Variants in PLD3 observed in about 807,000 individuals in gnomAD.
The protein encoded by PLD3 is 5'-3' exonuclease PLD3.
A neutral mutation model predicts 58.4 loss-of-function variants in PLD3; 31 were observed. That is an observed-to-expected ratio of 0.53 (90% CI 0.40 to 0.72). PLD3 has a LOEUF of 0.72. Ranked by LOEUF, PLD3 falls within the 30% of genes least tolerant of loss-of-function variation. The pLI is 0.00. For synonymous variants in PLD3, 264 were observed against 273.4 expected, an observed-to-expected ratio of 0.97 and a Z score of 0.34; for missense variants, 595 against 659.8, an observed-to-expected ratio of 0.90 and a Z score of 1.08.
At chr19:40,361,489 T>G (rs1411841631) in intron 1 of PLD3, among the ~76,000 whole-genome samples, 1 of 152,154 alleles carries the variant, frequency 6.6e-6, no homozygotes, top group African/African-American at 2.4e-5. Flanking sequence ...GACCCTGTTC[T>G]ACTCATCACA....
intron 8 of PLD3, 156 bp downstream of exon 8, chr19:40,370,393 C>A: frequency 1.3e-6 from 1 of 776,782 alleles, no homozygotes; most frequent in Non-Finnish European, 2.0e-6. Context: ...CTAATCCAAG[C>A]CATGCACGGT....
chr19:40,361,162 G>A (rs2078772437), intron 1 of PLD3, among the ~76,000 whole-genome samples: 1 of 152,088 alleles, frequency 6.6e-6, no homozygotes, highest in Non-Finnish European at 1.5e-5. Context: ...TCAGGCTGGA[G>A]TGCAATGGCG....
chr19:40,378,315 A>C lies in PLD3; in HGVS notation c.*142A>C. The C allele has an allele frequency of 1.3e-6, 1 of 790,742 alleles. No individual in the cohort carries two copies. Among genetic ancestry groups the C allele is most frequent in the Non-Finnish European group, 2.2e-6 (1 of 460,402 alleles). The allele number at this position is 790,742 out of a possible 1,614,324, so 49.0% of individuals were successfully genotyped here. A position where few individuals can be genotyped will look rare whatever the true frequency, so the allele number is the denominator to read the frequency against. On this transcript the variant is annotated 3_prime_UTR_variant, in exon 13 of 13. Transcript: ENST00000409735. ...CTCTCTCCCCTGCTCTCCCACCTCTACCTCCACCCCCACCGGCCTGACGCT... is the reference window on the plus strand; with the variant it reads ...CTCTCTCCCCTGCTCTCCCACCTCTCCCTCCACCCCCACCGGCCTGACGCT...
intron 1 of PLD3, among the ~76,000 whole-genome samples, chr19:40,349,044 A>G (rs1050584500): frequency 2.0e-5 from 3 of 151,462 alleles, no homozygotes; most frequent in African/African-American, 7.3e-5. Flanking sequence ...GTTGTCATCA[A>G]CGCCCTTAAC....
Position 40,378,380 on chromosome 19 carries a change from C to T in PLD3, c.*207C>T, listed in dbSNP as rs771478607. The T allele has an allele frequency of 1.2e-5, 8 of 669,710 alleles. 1 individual carries two copies. Among genetic ancestry groups the T allele is most frequent in the Non-Finnish European group, 1.3e-5 (5 of 373,900 alleles). 41.5% of individuals were successfully genotyped at this position (669,710 alleles called of 1,614,324 possible). A position where few individuals can be genotyped will look rare whatever the true frequency, so the allele number is the denominator to read the frequency against. ...CAGCAGAGCTGGGGGAGGGATCAGC[C>T]CCCAAAGAAATGGGGGTGCATGCTG... On this transcript the variant is annotated 3_prime_UTR_variant, in exon 13 of 13. Transcript: ENST00000409735.
At chr19:40,355,817 A>T (rs4490097) in intron 1 of PLD3, 1 of 151,750 alleles carries the variant, frequency 6.6e-6, no homozygotes, top group Non-Finnish European at 1.5e-5. Flanking sequence ...TAGGTCTCCC[A>T]GTCAAATAGG....
intron 1 of PLD3, among the ~76,000 whole-genome samples, chr19:40,354,851 G>C (rs1036555595): frequency 1.3e-5 from 2 of 149,206 alleles, no homozygotes; most frequent in African/African-American, 4.9e-5. Flanking sequence ...TTGTGTTGTT[G>C]TTTTGAGACT....
chr19:40,376,863 G>C lies in PLD3; in HGVS notation c.1185+89G>C, dbSNP rs2079218453. Reference sequence around the variant, plus strand: ...ATGGGACTCGTCTGTCAATGACAAGGGCAGCCCAGAGTGAGCCCTGTCACT... The same window carrying C: ...ATGGGACTCGTCTGTCAATGACAAGCGCAGCCCAGAGTGAGCCCTGTCACT... On this transcript the variant is annotated intron_variant, in intron 11 of 12. Coordinates refer to ENST00000409735, the MANE Select transcript of PLD3 (RefSeq NM_012268.4). The C allele has an allele frequency of 7.8e-6, 10 of 1,286,546 alleles. 1 individual carries two copies. The South Asian group carries it at 1.4e-4, about 18-fold the overall frequency. The allele number at this position is 1,286,546 out of a possible 1,614,324, so 79.7% of individuals were successfully genotyped here.
At position 40,370,204 on chromosome 19, in the gene PLD3, C is replaced by A. The variant is rs1237100326; in HGVS notation, c.645C>A (p.Gly215=). The A allele has an allele frequency of 6.2e-7, 1 of 1,614,044 alleles. No individual in the cohort carries two copies. The highest frequency in any genetic ancestry group is 1.7e-5 in the Admixed American group (1 of 60,014). ...TGGACCAGACCCACTTCTACCTGGGCAGTGCCAACATGGACTGGCGTTCAC... is the reference window on the plus strand; with the variant it reads ...TGGACCAGACCCACTTCTACCTGGGAAGTGCCAACATGGACTGGCGTTCAC... The part of the protein sequence containing the change: ...WVVDQTHFYL[G]SANMDWRSLT... The change falls in exon 8 of 13, where the codon GGC becomes GGA. Residue 215 remains glycine (G), a synonymous_variant. Transcript: ENST00000409735.
In PLD3 at chr19:40,367,874, C is replaced by A; in HGVS notation, c.424C>A (p.Gln142Lys). Reference sequence around the variant, plus strand: ...CACCCACACGCAGGAGCCCTCTGCCCAGCAGGTACCTGCAACCTTGGCCCT... The same window carrying A: ...CACCCACACGCAGGAGCCCTCTGCCAAGCAGGTACCTGCAACCTTGGCCCT... ...NDTHTQEPSA[Q>K]QGEEVLRQLQ... is the part of the protein sequence containing the mutation. Residue 142 changes from glutamine to lysine, a missense_variant, in exon 6 of 13, where the codon CAG becomes AAG. Gln to Lys is a moderately conservative substitution (Grantham distance 53). Coordinates refer to ENST00000409735, the MANE Select transcript of PLD3 (RefSeq NM_012268.4). The A allele has an allele frequency of 6.5e-7, 1 of 1,540,168 alleles. No homozygotes were observed. Among genetic ancestry groups the A allele is most frequent in the Non-Finnish European group, 8.7e-7 (1 of 1,144,222 alleles).
Position 40,378,226 on chromosome 19 carries a change from G to T in PLD3, c.*53G>T. 1 of 1,524,900 alleles carries T rather than the reference G, an allele frequency of 6.6e-7. No homozygotes were observed. The allele number at this position is 1,524,900 out of a possible 1,614,324, so 94.5% of individuals were successfully genotyped here. On this transcript the variant is annotated 3_prime_UTR_variant, in exon 13 of 13. Transcript: ENST00000409735. ...CTGCTGGGCCCCCGCGGACCCAGGT[G>T]CTCTGGGTCACGGTCCCTGTCCCCG...
chr19:40,370,302 C>G lies in PLD3; in HGVS notation c.678+65C>G, dbSNP rs1004787512. The G allele has an allele frequency of 3.9e-6, 6 of 1,526,816 alleles. No homozygotes were observed. The East Asian group carries it at 1.1e-4, about 29-fold the overall frequency. 94.6% of individuals were successfully genotyped at this position (1,526,816 alleles called of 1,614,324 possible). A position where few individuals can be genotyped will look rare whatever the true frequency, so the allele number is the denominator to read the frequency against. On this transcript the variant is annotated intron_variant, in intron 8 of 12. Transcript: ENST00000409735. ...CCTGCCCCACAGGGCACCCAGCCTC[C>G]GACTGCATCCCTCACTCAATCCAGA...
At position 40,371,944 on chromosome 19, in the gene PLD3, T is replaced by C. The variant is rs546477231; in HGVS notation, c.879+71T>C. 3 of 1,262,362 alleles carry C rather than the reference T, an allele frequency of 2.4e-6. No homozygotes were observed. In the African/African-American group the frequency reaches 4.4e-5, roughly 19 times the overall value. 78.2% of individuals were successfully genotyped at this position (1,262,362 alleles called of 1,614,324 possible). A position where few individuals can be genotyped will look rare whatever the true frequency, so the allele number is the denominator to read the frequency against. ...GTCACTCACAGCCTCCATCTGTCCC[T>C]GTTTGGTGATGACAGGGAGGGCGTA... On this transcript the variant is annotated intron_variant, in intron 9 of 12. Transcript: ENST00000409735.
chr19:40,367,058 C>A, intron 5 of PLD3, 143 bp downstream of exon 5: 2 of 801,124 alleles, frequency 2.5e-6, no homozygotes, highest in Non-Finnish European at 1.9e-6. Context: ...TGCTCGCCCG[C>A]CCCCTCCTCC....
At chr19:40,350,961 G>T (rs2078497836) in intron 1 of PLD3, among the ~76,000 whole-genome samples, 1 of 152,052 alleles carries the variant, frequency 6.6e-6, no homozygotes, top group Non-Finnish European at 1.5e-5. Flanking sequence ...AGTAGGGCTG[G>T]GCACGGTGGC....
intron 1 of PLD3, among the ~76,000 whole-genome samples, chr19:40,360,922 G>T (rs574979158): frequency 6.6e-6 from 1 of 152,146 alleles, no homozygotes; most frequent in Admixed American, 6.6e-5. Flanking sequence ...TCACATGCAC[G>T]TAAGTTCCGG....
In PLD3 at chr19:40,377,727, G is replaced by A. The variant is rs1462786066; in HGVS notation, c.1186-59G>A. On this transcript the variant is annotated intron_variant, in intron 11 of 12. Coordinates refer to ENST00000409735, the MANE Select transcript of PLD3 (RefSeq NM_012268.4). ...GCTCCACACTCTGCTCCCTGATCCC[G>A]GGGCTCCTCCGACTCCCCCTGCCTC... 7.3e-6 allele frequency: 9 copies of A among 1,241,062 alleles called. No individual in the cohort carries two copies. The South Asian group carries it at 7.4e-5, about 10-fold the overall frequency. 76.9% of individuals were successfully genotyped at this position (1,241,062 alleles called of 1,614,324 possible). A position where few individuals can be genotyped will look rare whatever the true frequency, so the allele number is the denominator to read the frequency against.
intron 1 of PLD3, 44 bp downstream of exon 1, chr19:40,348,812 G>C (rs1011565750): frequency 3.6e-6 from 1 of 280,420 alleles, no homozygotes; most frequent in Admixed American, 5.3e-5. Context: ...TACCCTCCTC[G>C]TGTTGTCTTC....
At chr19:40,362,263 T>C (rs980662659) in intron 1 of PLD3, among the ~76,000 whole-genome samples, 1 of 152,230 alleles carries the variant, frequency 6.6e-6, no homozygotes, top group Admixed American at 6.5e-5. Flanking sequence ...ATTGTTACCA[T>C]GCCCATTTTG....
Sources: gnomAD v4.1 joint callset for allele counts (sites outside exome capture counted in the v4.1 genomes callset) on GRCh38, gnomAD v4.1.1 for gene constraint, MANE v1.5 for transcripts, NCBI Gene and HGNC (gene_info 2026-07-23, HGNC 2026-07-21) for gene names.